The following EIF4ENIF1 variants were observed in gnomAD, a reference collection of about 807,000 sequenced individuals.
EIF4ENIF1 encodes eukaryotic translation initiation factor 4E transporter.
In EIF4ENIF1, 23 loss-of-function variants were observed where a neutral mutation model predicts 110.5. The observed-to-expected ratio is 0.21, with a 90% CI of 0.15 to 0.29. The LOEUF is 0.29. Ranked by LOEUF, EIF4ENIF1 falls within the 10% of genes least tolerant of loss-of-function variation. The pLI, the probability that EIF4ENIF1 is intolerant of heterozygous loss-of-function variation, is 1.00. For synonymous variants in EIF4ENIF1, 440 were observed against 437.0 expected (o/e 1.01, Z -0.09); for missense variants, 1,031 against 1,221.1 (o/e 0.84, Z 2.32).
chr22:31,442,160 C>G (rs1477881483), intron 16 of EIF4ENIF1, 42 bp from the exon 17 acceptor site: 1 of 1,479,148 alleles, frequency 6.8e-7, no homozygotes. Flanking sequence ...AAACCTCTCC[C>G]AAACACTTGT....
At chr22:31,458,443 C>T in intron 7 of EIF4ENIF1, 32 bp downstream of exon 7, 2 of 1,349,910 alleles carry the variant, frequency 1.5e-6, no homozygotes, top group Middle Eastern at 1.9e-4. Flanking sequence ...CAAATTTAAC[C>T]ACACATTTTT....
intron 3 of EIF4ENIF1, among the ~76,000 whole-genome samples, chr22:31,470,872 C>T (rs777806357): frequency 9.3e-5 from 14 of 151,008 alleles, no homozygotes; most frequent in Non-Finnish European, 1.5e-4. Context: ...ATTAGCTGTG[C>T]GTGGTAGTGG....
At chr22:31,453,672 C>T (rs915109366) in intron 10 of EIF4ENIF1, among the ~76,000 whole-genome samples, 3 of 152,110 alleles carry the variant, frequency 2.0e-5, no homozygotes, top group Non-Finnish European at 4.4e-5. Context: ...TGTGCTCAGC[C>T]CCATCTTAGA....
At chr22:31,441,340 C>T (rs573279227) in intron 17 of EIF4ENIF1, among the ~76,000 whole-genome samples, 7 of 152,122 alleles carry the variant, frequency 4.6e-5, no homozygotes, top group African/African-American at 1.7e-4. Context: ...GAGTTTGAGA[C>T]CAGCCTGGGC....
intron 14 of EIF4ENIF1, chr22:31,447,110 C>A: frequency 2.5e-6 from 1 of 400,074 alleles, no homozygotes; most frequent in Non-Finnish European, 4.9e-6. Flanking sequence ...TTACTCATAA[C>A]AATCTTGTGA....
chr22:31,472,563 C>A (rs905278347), intron 2 of EIF4ENIF1, among the ~76,000 whole-genome samples: 2 of 152,008 alleles, frequency 1.3e-5, no homozygotes, highest in African/African-American at 2.4e-5. Flanking sequence ...GCAACCGGGC[C>A]GGGGGGCGAT....
At chr22:31,490,963 G>C (rs371289487), upstream of EIF4ENIF1, among the ~76,000 whole-genome samples, 1 of 152,222 alleles carries the variant, frequency 6.6e-6, no homozygotes, top group Non-Finnish European at 1.5e-5. Flanking sequence ...CCCTTCTTGT[G>C]AATCTTGGCA....
intron 3 of EIF4ENIF1, 82 bp from the exon 4 acceptor site, chr22:31,468,384 T>C: frequency 1.3e-6 from 2 of 1,573,390 alleles, no homozygotes; most frequent in Non-Finnish European, 1.7e-6. Flanking sequence ...CCTCAGCTAA[T>C]AGTTATGGAA....
At position 31,448,267 on chromosome 22, in the gene EIF4ENIF1, T is replaced by C. The variant is rs767690363; in HGVS notation, c.1769-35A>G. The C allele has an allele frequency of 1.1e-5, 18 of 1,602,490 alleles. No individual in the cohort carries two copies. In the East Asian group the frequency reaches 3.6e-4, roughly 32 times the overall value. On this transcript the variant is annotated intron_variant, in intron 12 of 18. Coordinates refer to ENST00000330125, the MANE Select transcript of EIF4ENIF1 (RefSeq NM_019843.4). ...AAGTTAGTCTCAGTGAGTACCAAGA[T>C]GGTATGTGTGCATCAGGGAGGCATT...
At position 31,441,784 on chromosome 22, in the gene EIF4ENIF1, C is replaced by G. The variant is rs2050306395; in HGVS notation, c.2541G>C (p.Leu847Phe). 1 of 1,609,520 alleles carries G rather than the reference C, an allele frequency of 6.2e-7. No individual in the cohort carries two copies. The highest frequency in any genetic ancestry group is 8.5e-7 in the Non-Finnish European group (1 of 1,176,948). ...AGGCTGGAAACTCACCAGTTTGGAG[C>G]AAACTTGGAAGATGCTGTGGATGTA... ...QGVHPQHLPS[L>F]LQTGVLPPGM... Residue 847 changes from leucine to phenylalanine, a missense_variant, in exon 17 of 19, where the codon TTG becomes TTC. Around this residue, in one of 3 missense-constraint regions of EIF4ENIF1, gnomAD observed 309 missense variants for 299.1 expected, o/e 1.03. Coordinates refer to ENST00000330125, the MANE Select transcript of EIF4ENIF1 (RefSeq NM_019843.4).
chr22:31,442,659 C>A (rs1186831925), intron 16 of EIF4ENIF1, among the ~76,000 whole-genome samples: 1 of 152,148 alleles, frequency 6.6e-6, no homozygotes, highest in African/African-American at 2.4e-5. Context: ...TATTAATTTG[C>A]CAAATAAGTA....
chr22:31,464,079 A>T, intron 4 of EIF4ENIF1, 112 bp from the exon 5 acceptor site: 1 of 1,407,210 alleles, frequency 7.1e-7, no homozygotes, highest in South Asian at 1.5e-5. Flanking sequence ...GAAGAGAGTC[A>T]CCACTAAAAT....
chr22:31,468,216 T>C lies in EIF4ENIF1; in HGVS notation c.257A>G (p.Glu86Gly). The C allele has an allele frequency of 6.2e-7, 1 of 1,614,178 alleles. No individual in the cohort carries two copies. The highest frequency in any genetic ancestry group is 8.5e-7 in the Non-Finnish European group (1 of 1,180,040). Reference sequence around the variant, plus strand: ...CAGGGAAGGCCGGTCTGTATCCAACTCTTTCTTCAGACTTTCCACTGGTGA... The same window carrying C: ...CAGGGAAGGCCGGTCTGTATCCAACCCTTTCTTCAGACTTTCCACTGGTGA... ...RSSPVESLKK[E>G]LDTDRPSLVR... The change falls in exon 4 of 19, where the codon GAG (glutamate) becomes GGG (glycine). Residue 86 changes from glutamate (E) to glycine (G), a missense_variant. Physicochemically the swap from Glu to Gly is moderately conservative, Grantham distance 98. Coordinates refer to ENST00000330125, the MANE Select transcript of EIF4ENIF1 (RefSeq NM_019843.4).
At chr22:31,463,233 T>C (rs183540680) in intron 5 of EIF4ENIF1, 100 bp from the exon 6 acceptor site, 5 of 1,162,104 alleles carry the variant, frequency 4.3e-6, no homozygotes, top group Admixed American at 2.2e-5. Context: ...AAGGAAGATA[T>C]GATGCTGTAT....
At chr22:31,460,354 C>G (rs1219834955) in intron 6 of EIF4ENIF1, among the ~76,000 whole-genome samples, 1 of 152,160 alleles carries the variant, frequency 6.6e-6, no homozygotes, top group Non-Finnish European at 1.5e-5. Context: ...CTTTCCCAGA[C>G]CAGGCGCAGT....
At chr22:31,480,814 C>T (rs1190179260) in intron 2 of EIF4ENIF1, among the ~76,000 whole-genome samples, 1 of 152,076 alleles carries the variant, frequency 6.6e-6, no homozygotes, top group Admixed American at 6.6e-5. Flanking sequence ...TCTGTAACCC[C>T]AGCACTTTAG....
chr22:31,447,296 G>T, intron 14 of EIF4ENIF1, 130 bp downstream of exon 14: 3 of 1,069,628 alleles, frequency 2.8e-6, no homozygotes, highest in Non-Finnish European at 2.7e-6. Context: ...GATTTGGATT[G>T]GGATGGAATT....
intron 4 of EIF4ENIF1, 136 bp downstream of exon 4, chr22:31,468,039 T>C (rs2146016550): frequency 7.6e-7 from 1 of 1,322,964 alleles, no homozygotes; most frequent in South Asian, 1.5e-5. Context: ...TTAGGAAAAA[T>C]CCAACCGATA....
In EIF4ENIF1 at chr22:31,463,700, A is replaced by AAGG; in HGVS notation, c.565_566insCCT (p.Asp188_Phe189insSer). 6.2e-7 allele frequency: 1 copy of AAGG among 1,609,732 alleles called. No individual in the cohort carries two copies. The highest frequency in any genetic ancestry group is 8.5e-7 in the Non-Finnish European group (1 of 1,178,252). On this transcript the variant is annotated inframe_insertion, in exon 5 of 19. Transcript: ENST00000330125. Reference sequence around the variant, plus strand: ...ACAAACCCTGAAACGCTTGTCCTTGAAGTCCCTCTCTCGGTCTCTGTCTCT... The same window carrying AAGG: ...ACAAACCCTGAAACGCTTGTCCTTGAAGGAGTCCCTCTCTCGGTCTCTGTCTCT...
Sources: allele counts gnomAD v4.1 joint callset (sites outside exome capture counted in the v4.1 genomes callset), GRCh38; gene constraint gnomAD v4.1.1; regional missense constraint gnomAD v4.1.1; transcripts MANE v1.5; gene names NCBI Gene and HGNC (gene_info 2026-07-23, HGNC 2026-07-21).